The following LACTBL1 variants were observed in gnomAD, a reference collection of about 807,000 sequenced individuals.
LACTBL1 encodes the protein lactamase beta like 1.
LACTBL1 carries 29 observed loss-of-function variants against 39.6 expected under a neutral mutation model. The observed-to-expected ratio is 0.73, with a 90% CI of 0.55 to 1.00. The LOEUF (loss-of-function observed/expected upper bound fraction) is 1.00, where lower values mean the gene tolerates loss of function less well. Ranked by LOEUF, LACTBL1 falls within the 50% of genes least tolerant of loss-of-function variation. LACTBL1 has a pLI of 0.00. For missense variants in LACTBL1, 711 were observed against 748.5 expected (o/e 0.95, Z 0.59); for synonymous variants, 361 against 360.7 (o/e 1.00, Z -0.01).
upstream of LACTBL1, among the ~76,000 whole-genome samples, chr1:22,967,188 G>A (rs560125262): frequency 9.2e-5 from 14 of 152,232 alleles, no homozygotes; most frequent in African/African-American, 3.4e-4. Context: ...GGGCAACATG[G>A]CAAATCTTCG....
chr1:22,964,446 C>A (rs192083041), intron 1 of LACTBL1, among the ~76,000 whole-genome samples: 4 of 152,212 alleles, frequency 2.6e-5, no homozygotes, highest in Admixed American at 1.3e-4. Context: ...ACACCGCCCC[C>A]CTCAACCCGA....
chr1:22,962,380 C>T (rs1168845845), intron 2 of LACTBL1, among the ~76,000 whole-genome samples: 1 of 152,102 alleles, frequency 6.6e-6, no homozygotes, highest in African/African-American at 2.4e-5. Flanking sequence ...TGCTGCGGCT[C>T]ATATTCTTCT....
intron 2 of LACTBL1, among the ~76,000 whole-genome samples, chr1:22,961,676 T>C (rs149889175): frequency 6.1e-4 from 92 of 152,022 alleles, no homozygotes; most frequent in Non-Finnish European, 1.2e-3. Flanking sequence ...TACGTCTTAA[T>C]TAACTGCTGG....
chr1:22,958,106 T>C (rs1198532013), intron 4 of LACTBL1, among the ~76,000 whole-genome samples: 1 of 152,210 alleles, frequency 6.6e-6, no homozygotes, highest in African/African-American at 2.4e-5. Context: ...TTTACAAATA[T>C]AAACTTTTTT....
chr1:22,968,658 G>A (rs1310603616), upstream of LACTBL1, among the ~76,000 whole-genome samples: 1 of 152,106 alleles, frequency 6.6e-6, no homozygotes, highest in Non-Finnish European at 1.5e-5. Flanking sequence ...GAATAGTGTA[G>A]TGGTGAATCC....
intron 1 of LACTBL1, 110 bp from the exon 4 acceptor site, chr1:22,963,326 G>A (rs898718152): frequency 6.7e-5 from 36 of 536,474 alleles, no homozygotes; most frequent in African/African-American, 3.8e-4. Flanking sequence ...CTCCCCAGCC[G>A]AGCCGAGCCG....
chr1:22,960,890 C>A (rs984723498), intron 2 of LACTBL1, among the ~76,000 whole-genome samples: 1 of 152,112 alleles, frequency 6.6e-6, no homozygotes, highest in Non-Finnish European at 1.5e-5. Context: ...AGTGATCCTC[C>A]CGCCTCAACC....
intron 5 of LACTBL1, among the ~76,000 whole-genome samples, chr1:22,954,458 C>G (rs946527065): frequency 6.6e-6 from 1 of 152,240 alleles, no homozygotes; most frequent in Admixed American, 6.5e-5. Flanking sequence ...CACCAGTAAC[C>G]AGCAAGAGGC....
intron 1 of LACTBL1, 142 bp downstream of exon 3, chr1:22,965,148 G>T: frequency 1.6e-6 from 1 of 616,968 alleles, no homozygotes; most frequent in Non-Finnish European, 2.4e-6. Flanking sequence ...GCTAGTGAGA[G>T]CTGGACTCAG....
chr1:22,966,960 C>T (rs1374158974), upstream of LACTBL1, among the ~76,000 whole-genome samples: 1 of 152,126 alleles, frequency 6.6e-6, no homozygotes, highest in Non-Finnish European at 1.5e-5. Context: ...TACACTGGGC[C>T]CAGTGGCTCA....
upstream of LACTBL1, among the ~76,000 whole-genome samples, chr1:22,967,660 G>C (rs218341): frequency 0.36 from 54,738 of 151,366 alleles, 10,279 homozygotes; most frequent in African/African-American, 0.47. Flanking sequence ...GAGAGAGAGA[G>C]AGACAGACAG....
exon 6 of LACTBL1, chr1:22,953,603 G>T: frequency 7.9e-7 from 1 of 1,259,380 alleles, no homozygotes; most frequent in Non-Finnish European, 9.9e-7. Flanking sequence ...CCGTCCTTGC[G>T]CACCACGCGG....
chr1:22,960,408 G>A (rs919248402), intron 2 of LACTBL1, among the ~76,000 whole-genome samples: 2 of 152,116 alleles, frequency 1.3e-5, no homozygotes, highest in Non-Finnish European at 2.9e-5. Flanking sequence ...CTGAGGTCAG[G>A]AGTTCAAGGC....
At chr1:22,965,869 T>C (rs1640871452), upstream of LACTBL1, among the ~76,000 whole-genome samples, 1 of 152,190 alleles carries the variant, frequency 6.6e-6, no homozygotes, top group South Asian at 2.1e-4. Flanking sequence ...TTCATTCTTC[T>C]ACTTATATAA....
chr1:22,954,048 G>A, intron 5 of LACTBL1, 24 bp from the exon 8 acceptor site: 2 of 1,503,160 alleles, frequency 1.3e-6, no homozygotes, highest in Non-Finnish European at 8.9e-7. Flanking sequence ...AGTGGCAAGT[G>A]GGACGGGGCC....
chr1:22,953,357 C>G (rs932313705), exon 6 of LACTBL1: 2 of 1,228,776 alleles, frequency 1.6e-6, no homozygotes, highest in African/African-American at 3.1e-5. Context: ...CCGGCGCGCA[C>G]CTCGTAGAAG....
At chr1:22,955,424 G>C (rs72655581) in exon 5 of LACTBL1, 2 of 1,548,146 alleles carry the variant, frequency 1.3e-6, no homozygotes, top group Admixed American at 2.0e-5. Flanking sequence ...CTTCTGGGCA[G>C]CCCTAGGGAG....
intron 4 of LACTBL1, among the ~76,000 whole-genome samples, chr1:22,956,565 C>T (rs1043916296): frequency 3.9e-5 from 6 of 152,080 alleles, no homozygotes; most frequent in African/African-American, 7.2e-5. Flanking sequence ...TGACCAAAGG[C>T]GTCTGGGGCA....
At chr1:22,963,746 A>G (rs571757227) in intron 1 of LACTBL1, among the ~76,000 whole-genome samples, 237 of 152,112 alleles carry the variant, frequency 1.6e-3, no homozygotes, top group African/African-American at 5.5e-3. Flanking sequence ...TGCTGGCAGG[A>G]CAGGATTCAG....
Sources: gnomAD v4.1 joint callset for allele counts (sites outside exome capture counted in the v4.1 genomes callset) on GRCh38, gnomAD v4.1.1 for gene constraint, MANE v1.5 for transcripts, NCBI Gene and HGNC (gene_info 2026-07-23, HGNC 2026-07-21) for gene names.